Variants in PLCL2 observed in about 807,000 individuals in gnomAD.
PLCL2 encodes the protein phospholipase C like 2.
A neutral mutation model predicts 79.6 loss-of-function variants in PLCL2; 4 were observed. The observed-to-expected ratio is 0.05, with a 90% CI of 0.02 to 0.11. The LOEUF (loss-of-function observed/expected upper bound fraction) is 0.11, where lower values mean the gene tolerates loss of function less well. Ranked by LOEUF, PLCL2 falls within the 10% of genes least tolerant of loss-of-function variation. PLCL2 has a pLI of 1.00. For synonymous variants in PLCL2, 484 were observed against 457.7 expected, an observed-to-expected ratio of 1.06 and a Z score of -0.73; for missense variants, 895 against 1,291.0, an observed-to-expected ratio of 0.69 and a Z score of 4.70.
At chr3:17,042,656 G>A (rs2064737210) in intron 3 of PLCL2, 2 of 460,970 alleles carry the variant, frequency 4.3e-6, no homozygotes, top group East Asian at 7.4e-5. Flanking sequence ...CACTGCACTT[G>A]GAAAGTAATA....
At chr3:17,064,230 A>G (rs1208031382) in intron 4 of PLCL2, among the ~76,000 whole-genome samples, 1 of 152,232 alleles carries the variant, frequency 6.6e-6, no homozygotes, top group Non-Finnish European at 1.5e-5. Context: ...CAAGAGAACA[A>G]TGCAATTTGC....
At chr3:17,017,712 C>T (rs1012624349) in intron 3 of PLCL2, among the ~76,000 whole-genome samples, 8 of 152,284 alleles carry the variant, frequency 5.3e-5, no homozygotes, top group African/African-American at 1.7e-4. Context: ...GTGTCATGGC[C>T]AGTCTACATG....
At chr3:16,981,150 G>GGGAGAGGGAGACTCGGGGGAGA (rs2063992768) in intron 1 of PLCL2, among the ~76,000 whole-genome samples, 1 of 150,546 alleles carries the variant, frequency 6.6e-6, no homozygotes, top group Non-Finnish European at 1.5e-5. Flanking sequence ...GGGAGACTCG[G>GGGAGAGGGAGACTCGGGGGAGA]GGGAGAGGGA....
chr3:17,034,853 G>A (rs1422303105), intron 3 of PLCL2, among the ~76,000 whole-genome samples: 3 of 152,102 alleles, frequency 2.0e-5, no homozygotes, highest in Non-Finnish European at 2.9e-5. Flanking sequence ...ATTCTCCACA[G>A]TTACTCAAGA....
chr3:17,048,486 T>C (rs2124926219), intron 4 of PLCL2, among the ~76,000 whole-genome samples: 1 of 152,296 alleles, frequency 6.6e-6, no homozygotes, highest in Admixed American at 6.5e-5. Flanking sequence ...CCATAAAATA[T>C]GCACAAATCT....
intron 1 of PLCL2, among the ~76,000 whole-genome samples, chr3:16,989,882 G>A (rs2064086371): frequency 6.6e-6 from 1 of 152,076 alleles, no homozygotes; most frequent in African/African-American, 2.4e-5. Flanking sequence ...ATAAAAAATA[G>A]TAGTAATGCT....
At chr3:16,940,142 G>A (rs976884722) in intron 1 of PLCL2, among the ~76,000 whole-genome samples, 1 of 152,090 alleles carries the variant, frequency 6.6e-6, no homozygotes, top group African/African-American at 2.4e-5. Context: ...ACCCTCCCTC[G>A]TCCAGATGTC....
chr3:16,900,716 C>T (rs528357923), intron 1 of PLCL2, among the ~76,000 whole-genome samples: 11 of 152,286 alleles, frequency 7.2e-5, no homozygotes, highest in African/African-American at 2.4e-4. Flanking sequence ...TGCTCCCGTT[C>T]GGTGGACATC....
At chr3:16,922,964 T>G (rs1227492824) in intron 1 of PLCL2, among the ~76,000 whole-genome samples, 1 of 152,148 alleles carries the variant, frequency 6.6e-6, no homozygotes, top group Non-Finnish European at 1.5e-5. Flanking sequence ...AAAGGATTCA[T>G]TTGAGAAAAC....
intron 1 of PLCL2, among the ~76,000 whole-genome samples, chr3:16,921,706 A>G (rs916581505): frequency 2.6e-5 from 4 of 152,200 alleles, no homozygotes; most frequent in Non-Finnish European, 5.9e-5. Context: ...ATTTATTTTC[A>G]TATACCAGTG....
At chr3:16,956,642 G>A (rs1157020052) in intron 1 of PLCL2, among the ~76,000 whole-genome samples, 1 of 152,060 alleles carries the variant, frequency 6.6e-6, no homozygotes, top group Non-Finnish European at 1.5e-5. Flanking sequence ...GAATTCGGCT[G>A]TGAATCCATC....
intron 1 of PLCL2, among the ~76,000 whole-genome samples, chr3:16,994,260 C>T (rs536159040): frequency 9.5e-4 from 145 of 152,322 alleles, no homozygotes; most frequent in African/African-American, 3.3e-3. Context: ...TCCAAATTCA[C>T]ATTACTCTAT....
At chr3:17,017,700 C>A (rs539617666) in intron 3 of PLCL2, among the ~76,000 whole-genome samples, 2 of 152,290 alleles carry the variant, frequency 1.3e-5, no homozygotes, top group South Asian at 4.2e-4. Flanking sequence ...TCCAGAACTC[C>A]TGTGTCATGG....
At chr3:16,979,934 C>A (rs2063965275) in intron 1 of PLCL2, among the ~76,000 whole-genome samples, 1 of 150,716 alleles carries the variant, frequency 6.6e-6, no homozygotes, top group South Asian at 2.1e-4. Context: ...GCGACCCTCA[C>A]CTCCCAGACA....
At chr3:16,896,660 C>T (rs529749125) in intron 1 of PLCL2, among the ~76,000 whole-genome samples, 45 of 152,238 alleles carry the variant, frequency 3.0e-4, no homozygotes, top group Non-Finnish European at 5.4e-4. Context: ...ACCAGTTATC[C>T]AGATATACGG....
chr3:17,016,918 A>G (rs569288650), intron 3 of PLCL2, among the ~76,000 whole-genome samples: 4 of 152,352 alleles, frequency 2.6e-5, no homozygotes, highest in Admixed American at 2.6e-4. Context: ...GAGCTTTTTA[A>G]CAGGGACTTC....
At chr3:16,950,949 A>G (rs1026650993) in intron 1 of PLCL2, among the ~76,000 whole-genome samples, 3 of 152,048 alleles carry the variant, frequency 2.0e-5, no homozygotes, top group South Asian at 2.1e-4. Context: ...TGGATGATCT[A>G]TGGTTTTCTT....
At chr3:17,034,228 TGTGA>T (rs1046117275) in intron 3 of PLCL2, among the ~76,000 whole-genome samples, 2 of 152,102 alleles carry the variant, frequency 1.3e-5, no homozygotes, top group Admixed American at 6.6e-5. Flanking sequence ...AGGGTTTCAG[TGTGA>T]GTGAGTGTGG....
intron 5 of PLCL2, among the ~76,000 whole-genome samples, chr3:17,078,434 G>A (rs1330371170): frequency 6.7e-6 from 1 of 149,292 alleles, no homozygotes; most frequent in Admixed American, 6.7e-5. Context: ...GATCTCATCT[G>A]GGGTGGCTGG....
Sources: gnomAD v4.1 joint callset for allele counts (sites outside exome capture counted in the v4.1 genomes callset) on GRCh38, gnomAD v4.1.1 for gene constraint, MANE v1.5 for transcripts, NCBI Gene and HGNC (gene_info 2026-07-23, HGNC 2026-07-21) for gene names.